Variants in SYT1 observed in about 807,000 individuals in gnomAD.
SYT1 encodes the protein synaptotagmin 1, also known as synaptotagmin-1.
A neutral mutation model predicts 44.8 loss-of-function variants in SYT1; 8 were observed. The ratio of observed to expected loss-of-function variants is 0.18; its 90% CI spans 0.10 to 0.32. SYT1 has a LOEUF of 0.32. Among genes scored for constraint, SYT1 ranks in the 10% least tolerant of loss-of-function variants. The probability of loss-of-function intolerance (pLI) is 1.00; values close to 1 mark genes in which losing one functional copy is unlikely to be tolerated. For synonymous variants in SYT1, 154 were observed against 188.8 expected (o/e 0.82, Z 1.51); for missense variants, 286 against 509.3 (o/e 0.56, Z 4.22).
intron 3 of SYT1, among the ~76,000 whole-genome samples, chr12:79,139,410 AT>A (rs911596053): frequency 1.6e-4 from 24 of 152,216 alleles, no homozygotes; most frequent in African/African-American, 5.8e-4. Context: ...ATTTTTGATG[AT>A]GACATTGAAT....
chr12:79,205,620 A>C (rs1874075605), intron 3 of SYT1, among the ~76,000 whole-genome samples: 1 of 152,190 alleles, frequency 6.6e-6, no homozygotes, highest in African/African-American at 2.4e-5. Context: ...GGTTTGTATA[A>C]AACCTTCTGA....
intron 1 of SYT1, among the ~76,000 whole-genome samples, chr12:78,902,289 C>G (rs189120735): frequency 6.6e-6 from 1 of 151,800 alleles, no homozygotes; most frequent in Non-Finnish European, 1.5e-5. Flanking sequence ...ACTATGCCCA[C>G]TGATTCTTGA....
At chr12:79,113,504 G>A (rs529320511) in intron 3 of SYT1, among the ~76,000 whole-genome samples, 120 of 152,148 alleles carry the variant, frequency 7.9e-4, no homozygotes, top group Non-Finnish European at 1.3e-3. Context: ...TTGAATTTTG[G>A]AAATTTGTGT....
At chr12:79,026,668 TATATATATA>T (rs1872551276) in intron 2 of SYT1, among the ~76,000 whole-genome samples, 6 of 6,518 alleles carry the variant, frequency 9.2e-4, no homozygotes, top group Admixed American at 4.4e-3. Context: ...ATATATATTT[TATATATATA>T]TATATATATA....
chr12:78,945,911 G>A (rs1878633213), intron 1 of SYT1, among the ~76,000 whole-genome samples: 1 of 152,070 alleles, frequency 6.6e-6, no homozygotes, highest in South Asian at 2.1e-4. Flanking sequence ...CCTTGTAGAA[G>A]AAGGTTTAAG....
chr12:78,998,746 G>A (rs765350450), intron 2 of SYT1, among the ~76,000 whole-genome samples: 1 of 152,096 alleles, frequency 6.6e-6, no homozygotes, highest in African/African-American at 2.4e-5. Flanking sequence ...TGCAAACTTG[G>A]AGTAATAATA....
At chr12:79,218,993 G>T (rs1160665168) in intron 4 of SYT1, among the ~76,000 whole-genome samples, 1 of 152,078 alleles carries the variant, frequency 6.6e-6, no homozygotes, top group African/African-American at 2.4e-5. Context: ...GTGTGCAAGG[G>T]TTCCCTTTTC....
At chr12:79,337,133 G>A (rs190354032) in intron 8 of SYT1, among the ~76,000 whole-genome samples, 65 of 152,182 alleles carry the variant, frequency 4.3e-4, no homozygotes, top group African/African-American at 1.4e-3. Context: ...TCACTGATAG[G>A]TAAATAGACA....
At chr12:78,926,321 T>G (rs1225216736) in intron 1 of SYT1, among the ~76,000 whole-genome samples, 1 of 152,096 alleles carries the variant, frequency 6.6e-6, no homozygotes, top group African/African-American at 2.4e-5. Context: ...TGTCTGACAT[T>G]GCTGCATTTT....
chr12:79,423,880 G>T (rs2463109), intron 9 of SYT1, among the ~76,000 whole-genome samples: 18,323 of 151,312 alleles, frequency 0.12, 3,277 homozygotes, highest in African/African-American at 0.39. Context: ...TACCGGCTCT[G>T]GGTTAGCATT....
chr12:78,876,929 T>TA (rs1565698030), intron 1 of SYT1, among the ~76,000 whole-genome samples: 1 of 115,884 alleles, frequency 8.6e-6, no homozygotes, highest in Non-Finnish European at 1.7e-5. Flanking sequence ...ATAATATATA[T>TA]TATATATTAT....
intron 9 of SYT1, among the ~76,000 whole-genome samples, chr12:79,400,483 C>A (rs1885030097): frequency 6.6e-6 from 1 of 152,160 alleles, no homozygotes; most frequent in Non-Finnish European, 1.5e-5. Context: ...CCCTGCTAAT[C>A]CTAGAGTGTA....
chr12:79,289,890 GT>G (rs5799424), intron 5 of SYT1, among the ~76,000 whole-genome samples: 55,668 of 135,034 alleles, frequency 0.41, 10,696 homozygotes, highest in Middle Eastern at 0.54. Flanking sequence ...AAACTCAGTA[GT>G]TTTTTTTTTT....
At chr12:79,339,429 A>T (rs1882256815) in intron 8 of SYT1, among the ~76,000 whole-genome samples, 1 of 152,218 alleles carries the variant, frequency 6.6e-6, no homozygotes, top group South Asian at 2.1e-4. Context: ...AGTGATGATG[A>T]GCATTTTTTC....
chr12:78,920,324 C>T (rs1251868428), intron 1 of SYT1, among the ~76,000 whole-genome samples: 2 of 151,814 alleles, frequency 1.3e-5, no homozygotes, highest in Admixed American at 6.6e-5. Flanking sequence ...GATATAATAC[C>T]TGTGACTGGG....
intron 8 of SYT1, among the ~76,000 whole-genome samples, chr12:79,322,646 T>A (rs1881420082): frequency 6.6e-6 from 1 of 152,164 alleles, no homozygotes; most frequent in Admixed American, 6.6e-5. Flanking sequence ...CTCGGGGCGT[T>A]GGGCATTTCC....
In SYT1 at chr12:79,014,179, C is replaced by T. The variant is rs73351467; in HGVS notation, c.-83-33118C>T. On this transcript the variant is annotated intron_variant, in intron 2 of 10. Coordinates refer to ENST00000261205, the MANE Select transcript of SYT1 (RefSeq NM_005639.3). ...GAAAGAAAAAGGAAAAGAAAATAAG[C>T]CTTGGGTATTTTTGACAACTTCTAA... Among the ~76,000 whole-genome samples the T allele has an allele frequency of 9.9e-3, 1,465 of 147,876 alleles. 31 individuals are homozygous for T. Among genetic ancestry groups the T allele is most frequent in the African/African-American group, 0.034 (1,388 of 40,380 alleles).
intron 9 of SYT1, among the ~76,000 whole-genome samples, chr12:79,357,465 C>G (rs866026354): frequency 6.6e-6 from 1 of 152,196 alleles, no homozygotes; most frequent in Non-Finnish European, 1.5e-5. Context: ...TGCTACACAC[C>G]TAAGCTATGT....
chr12:79,190,478 G>A (rs1210509330), intron 3 of SYT1, among the ~76,000 whole-genome samples: 1 of 152,068 alleles, frequency 6.6e-6, no homozygotes, highest in Non-Finnish European at 1.5e-5. Flanking sequence ...AGAAGCCAGA[G>A]CTCTGACCCC....
Sources: gnomAD v4.1 joint callset for allele counts (sites outside exome capture counted in the v4.1 genomes callset) on GRCh38, gnomAD v4.1.1 for gene constraint, MANE v1.5 for transcripts, NCBI Gene and HGNC (gene_info 2026-07-23, HGNC 2026-07-21) for gene names.